DNAH12: variants seen among roughly 807,000 people sequenced by gnomAD.
The protein encoded by DNAH12 is dynein axonemal heavy chain 12.
A neutral mutation model predicts 371.5 loss-of-function variants in DNAH12; 285 were observed. That is an observed-to-expected ratio of 0.77 (90% CI 0.70 to 0.85). DNAH12 has a LOEUF of 0.85. Among genes scored for constraint, DNAH12 ranks in the 40% least tolerant of loss-of-function variants. The pLI is 0.00. For missense variants in DNAH12, 3,611 were observed against 3,689.4 expected, an observed-to-expected ratio of 0.98 and a Z score of 0.55; for synonymous variants, 1,200 against 1,213.0, an observed-to-expected ratio of 0.99 and a Z score of 0.22.
intron 11 of DNAH12, among the ~76,000 whole-genome samples, chr3:57,490,966 G>A (rs2067096368): frequency 6.6e-6 from 1 of 150,520 alleles, no homozygotes; most frequent in African/African-American, 2.4e-5. Context: ...GCACATGCCT[G>A]TAATGCCAGC....
chr3:57,514,911 G>T (rs2068136110), intron 4 of DNAH12, among the ~76,000 whole-genome samples: 1 of 152,120 alleles, frequency 6.6e-6, no homozygotes, highest in South Asian at 2.1e-4. Flanking sequence ...TTAAACTATG[G>T]TGAGGTTTGT....
At position 57,387,479 on chromosome 3, in the gene DNAH12, C is replaced by T. The variant is rs2063519593; in HGVS notation, c.7306-260G>A. ...AATTTTAGTTATCAAAGATGTATTA[C>T]ACTGTCTTCCCAACTCTTCTACTTG... On this transcript the variant is annotated intron_variant, in intron 45 of 73. Coordinates refer to ENST00000495027, the MANE Select transcript of DNAH12 (RefSeq NM_001366028.2). 2.0e-5 allele frequency among the ~76,000 whole-genome samples: 3 copies of T among 152,148 alleles called. No individual in the cohort carries two copies. In the South Asian group the frequency reaches 6.2e-4, roughly 31 times the overall value.
intron 41 of DNAH12, among the ~76,000 whole-genome samples, chr3:57,405,435 T>C (rs2063994022): frequency 6.6e-6 from 1 of 152,236 alleles, no homozygotes; most frequent in African/African-American, 2.4e-5. Flanking sequence ...ATATCTATTA[T>C]ATCATTTATT....
chr3:57,480,770 C>G (rs2066711803), intron 13 of DNAH12, among the ~76,000 whole-genome samples: 1 of 152,132 alleles, frequency 6.6e-6, no homozygotes, highest in South Asian at 2.1e-4. Flanking sequence ...TCAACATACG[C>G]AAATCAATAA....
At chr3:57,545,846 G>C (rs116924156), upstream of DNAH12, among the ~76,000 whole-genome samples, 55 of 152,190 alleles carry the variant, frequency 3.6e-4, no homozygotes, top group East Asian at 0.01. Flanking sequence ...CTCACATAAA[G>C]GAACAAAGAA....
At chr3:57,548,992 GAGA>G (rs1559773966), upstream of DNAH12, 1 of 152,064 alleles carries the variant, frequency 6.6e-6, no homozygotes, top group Non-Finnish European at 1.5e-5. Context: ...TTTTCATAGA[GAGA>G]AGACTCAGTT....
intron 50 of DNAH12, among the ~76,000 whole-genome samples, 196 bp from the exon 51 acceptor site, chr3:57,380,563 C>T (rs1326075471): frequency 6.6e-6 from 1 of 152,166 alleles, no homozygotes; most frequent in Non-Finnish European, 1.5e-5. Context: ...CTCCCAGGTT[C>T]AAGTGATTCT....
intron 30 of DNAH12, among the ~76,000 whole-genome samples, chr3:57,436,568 G>A (rs934618879): frequency 1.3e-5 from 2 of 152,158 alleles, no homozygotes; most frequent in African/African-American, 4.8e-5. Flanking sequence ...TAGGTTGTAG[G>A]TCTCTGGATC....
intron 43 of DNAH12, among the ~76,000 whole-genome samples, chr3:57,396,290 C>CAAAAAAAAAAAAAAAAAAA (rs1159748997): frequency 7.3e-5 from 5 of 68,620 alleles, no homozygotes; most frequent in Non-Finnish European, 1.1e-4. Flanking sequence ...AAAAAAAAAA[C>CAAAAAAAAAAAAAAAAAAA]AAAAAAAAAA....
chr3:57,476,143 G>A lies in DNAH12; in HGVS notation c.1651-3472C>T, dbSNP rs76944218. Among the ~76,000 whole-genome samples the A allele has an allele frequency of 7.9e-3, 1,208 of 151,968 alleles. 15 individuals carry two copies. The highest frequency in any genetic ancestry group is 0.027 in the African/African-American group (1,129 of 41,456). On this transcript the variant is annotated intron_variant, in intron 13 of 73. Transcript: ENST00000495027. ...CATTACTAACATAACATTGATGAGAGGCAAAAGAATATAAATGGTATGATT... is the reference window on the plus strand; with the variant it reads ...CATTACTAACATAACATTGATGAGAAGCAAAAGAATATAAATGGTATGATT...
At chr3:57,463,056 T>A (rs2066102368) in intron 17 of DNAH12, among the ~76,000 whole-genome samples, 181 bp from the exon 18 acceptor site, 1 of 152,056 alleles carries the variant, frequency 6.6e-6, no homozygotes, top group Admixed American at 6.6e-5. Flanking sequence ...AAAATGAACC[T>A]AAAGTTCCCT....
intron 33 of DNAH12, 85 bp downstream of exon 33, chr3:57,429,606 C>T (rs1399089940): frequency 1.6e-6 from 2 of 1,273,116 alleles, no homozygotes; most frequent in Middle Eastern, 1.9e-4. Flanking sequence ...AACCCATTTT[C>T]TGACATATAA....
intron 58 of DNAH12, among the ~76,000 whole-genome samples, chr3:57,357,848 G>A (rs1295306724): frequency 2.0e-5 from 3 of 152,104 alleles, no homozygotes; most frequent in Non-Finnish European, 4.4e-5. Flanking sequence ...TGGCAAAGTA[G>A]GTATTCAAAA....
intron 45 of DNAH12, among the ~76,000 whole-genome samples, chr3:57,388,227 A>C (rs2063535312): frequency 6.6e-6 from 1 of 152,062 alleles, no homozygotes; most frequent in South Asian, 2.1e-4. Context: ...CACTTCCTTC[A>C]CATCCAAGCT....
chr3:57,399,438 T>C (rs1405957337), intron 43 of DNAH12, among the ~76,000 whole-genome samples: 1 of 152,184 alleles, frequency 6.6e-6, no homozygotes, highest in Non-Finnish European at 1.5e-5. Context: ...AGATTCATTT[T>C]AGATCCAAGG....
intron 73 of DNAH12, 21 bp downstream of exon 73, chr3:57,295,503 AT>A: frequency 6.5e-7 from 1 of 1,542,286 alleles, no homozygotes; most frequent in Non-Finnish European, 8.8e-7. Flanking sequence ...CTTCAAATAA[AT>A]TTTGTTGAGA....
chr3:57,321,161 A>C (rs1229976226), intron 65 of DNAH12, among the ~76,000 whole-genome samples: 1 of 152,132 alleles, frequency 6.6e-6, no homozygotes, highest in Non-Finnish European at 1.5e-5. Context: ...TTCTAATTGC[A>C]GGAGCTCAAA....
chr3:57,417,211 T>C (rs944348471), intron 37 of DNAH12, among the ~76,000 whole-genome samples: 2 of 115,834 alleles, frequency 1.7e-5, no homozygotes, highest in Non-Finnish European at 3.8e-5. Flanking sequence ...GATTGTGCCA[T>C]TGCACTCCAG....
At chr3:57,310,644 A>G (rs1041409409) in intron 67 of DNAH12, 73 bp downstream of exon 67, 7 of 1,030,262 alleles carry the variant, frequency 6.8e-6, no homozygotes, top group Non-Finnish European at 1.0e-5. Context: ...TATACATTAG[A>G]GAAGAACATT....
Sources: allele counts gnomAD v4.1 joint callset (sites outside exome capture counted in the v4.1 genomes callset), GRCh38; gene constraint gnomAD v4.1.1; transcripts MANE v1.5; gene names NCBI Gene and HGNC (gene_info 2026-07-23, HGNC 2026-07-21).